The following NEK6 variants were observed in gnomAD, a reference collection of about 807,000 sequenced individuals.
NEK6 encodes the protein serine/threonine-protein kinase Nek6.
Under a neutral mutation model 43.5 loss-of-function variants are expected in NEK6, and 27 were observed. That is an observed-to-expected ratio of 0.62 (90% CI 0.46 to 0.86). The LOEUF is 0.86. Ranked by LOEUF, NEK6 falls within the 40% of genes least tolerant of loss-of-function variation. NEK6 has a pLI of 0.00. For missense variants in NEK6, 318 were observed against 414.4 expected, an observed-to-expected ratio of 0.77 and a Z score of 2.02; for synonymous variants, 167 against 164.1, an observed-to-expected ratio of 1.02 and a Z score of -0.14.
chr9:124,348,796 C>T (rs1425532188), intron 9 of NEK6, among the ~76,000 whole-genome samples: 3 of 152,252 alleles, frequency 2.0e-5, no homozygotes, highest in African/African-American at 4.8e-5. Flanking sequence ...GACCACAGGC[C>T]GTCACCTCAC....
In NEK6 at chr9:124,345,285, T is replaced by C. The variant is rs372038680; in HGVS notation, c.718-2424T>C. On this transcript the variant is annotated intron_variant, in intron 8 of 9. Coordinates refer to ENST00000320246, the MANE Select transcript of NEK6 (RefSeq NM_014397.6). Reference sequence around the variant, plus strand: ...GAGATCTCGCCGTCCAGGGTAATCGTTGTAATCCGCGCAGCCCAGAGCTTT... The same window carrying C: ...GAGATCTCGCCGTCCAGGGTAATCGCTGTAATCCGCGCAGCCCAGAGCTTT... Among the ~76,000 whole-genome samples the C allele has an allele frequency of 6.6e-5, 10 of 152,254 alleles. No individual in the cohort carries two copies. In the South Asian group the frequency reaches 1.9e-3, roughly 28 times the overall value.
At chr9:124,337,137 T>C (rs1395126242) in intron 7 of NEK6, among the ~76,000 whole-genome samples, 22 of 152,200 alleles carry the variant, frequency 1.4e-4, no homozygotes, top group Admixed American at 1.4e-3. Flanking sequence ...TGCTGAGGTG[T>C]TCATGCCTCT....
intron 1 of NEK6, chr9:124,261,519 C>T (rs1310658528): frequency 2.0e-6 from 2 of 985,308 alleles, no homozygotes; most frequent in Non-Finnish European, 2.4e-6. Context: ...TGTTCTGGCC[C>T]CCTGATGTCA....
At chr9:124,310,131 T>C (rs554992820) in intron 2 of NEK6, among the ~76,000 whole-genome samples, 1 of 152,276 alleles carries the variant, frequency 6.6e-6, no homozygotes, top group African/African-American at 2.4e-5. Context: ...GGCACCACAG[T>C]CCCCAGTCCT....
intron 1 of NEK6, among the ~76,000 whole-genome samples, chr9:124,259,725 C>A (rs1016590217): frequency 6.6e-6 from 1 of 152,184 alleles, no homozygotes; most frequent in South Asian, 2.1e-4. Context: ...TCTTGCCTAA[C>A]TTCCCAGAAG....
intron 1 of NEK6, among the ~76,000 whole-genome samples, chr9:124,273,164 A>G (rs1368331689): frequency 6.6e-6 from 1 of 152,148 alleles, no homozygotes; most frequent in Non-Finnish European, 1.5e-5. Flanking sequence ...TTCATGTGAC[A>G]GATGAGGAAG....
intron 1 of NEK6, chr9:124,258,361 G>A: frequency 1.0e-6 from 1 of 984,574 alleles, no homozygotes; most frequent in Non-Finnish European, 1.2e-6. Flanking sequence ...GCGTTGTTGG[G>A]GTGAGTGCGT....
intron 9 of NEK6, among the ~76,000 whole-genome samples, chr9:124,349,903 C>CTCT (rs1369129185): frequency 5.9e-5 from 9 of 152,248 alleles, no homozygotes; most frequent in Admixed American, 2.0e-4. Context: ...TACCCTAAGG[C>CTCT]TCTGTGGCCC....
chr9:124,330,573 T>G (rs1828927458), intron 7 of NEK6, among the ~76,000 whole-genome samples: 2 of 152,118 alleles, frequency 1.3e-5, no homozygotes, highest in African/African-American at 4.8e-5. Flanking sequence ...AGAGCAAGTC[T>G]AGTTGGGGGT....
chr9:124,347,670 A>C (rs979483942), intron 8 of NEK6, 39 bp from the exon 9 acceptor site: 1 of 1,364,670 alleles, frequency 7.3e-7, no homozygotes, highest in South Asian at 1.3e-5. Flanking sequence ...CTGAGCCTTG[A>C]GGCCGAAAGC....
At chr9:124,269,206 G>A (rs1475940542) in intron 1 of NEK6, among the ~76,000 whole-genome samples, 1 of 152,158 alleles carries the variant, frequency 6.6e-6, no homozygotes, top group Admixed American at 6.5e-5. Context: ...GGGCAAGTCA[G>A]TGGTCCACCC....
At chr9:124,313,797 G>A in intron 3 of NEK6, 126 bp from the exon 4 acceptor site, 1 of 863,416 alleles carries the variant, frequency 1.2e-6, no homozygotes, top group African/African-American at 1.7e-5. Flanking sequence ...GAGTGCAGGG[G>A]GGGGTCACAG....
Position 124,339,959 on chromosome 9 carries a change from C to T in NEK6, c.717+294C>T, listed in dbSNP as rs539423241. Among the ~76,000 whole-genome samples the T allele has an allele frequency of 3.1e-3, 478 of 152,264 alleles. 2 individuals carry two copies. Among genetic ancestry groups the T allele is most frequent in the African/African-American group, 0.011 (456 of 41,538 alleles). On this transcript the variant is annotated intron_variant, in intron 8 of 9. Coordinates refer to ENST00000320246, the MANE Select transcript of NEK6 (RefSeq NM_014397.6). ...TCTGATCCCCAGCTGCCCCTGCCCC[C>T]GTCGCCCTGGTAACCACATTAACAC...
At chr9:124,306,613 G>A (rs972365765) in intron 2 of NEK6, among the ~76,000 whole-genome samples, 5 of 152,178 alleles carry the variant, frequency 3.3e-5, no homozygotes, top group Admixed American at 6.5e-5. Flanking sequence ...CCATCGCACC[G>A]TCAAGGGGCA....
At chr9:124,339,730 C>G in intron 8 of NEK6, 65 bp downstream of exon 8, 1 of 1,172,748 alleles carries the variant, frequency 8.5e-7, no homozygotes, top group Non-Finnish European at 1.3e-6. Context: ...CCAGTTAGGA[C>G]AGGGCTCACC....
intron 1 of NEK6, among the ~76,000 whole-genome samples, chr9:124,268,446 C>T (rs1347360878): frequency 6.6e-6 from 1 of 152,184 alleles, no homozygotes; most frequent in Non-Finnish European, 1.5e-5. Flanking sequence ...CTGTGTGCCA[C>T]AGGTGAATGC....
At chr9:124,333,235 G>A (rs1470891674) in intron 7 of NEK6, among the ~76,000 whole-genome samples, 3 of 152,254 alleles carry the variant, frequency 2.0e-5, no homozygotes, top group Non-Finnish European at 4.4e-5. Flanking sequence ...TGTAGTGTCT[G>A]AGTGGCTATT....
chr9:124,293,226 G>A (rs565441437), intron 1 of NEK6, among the ~76,000 whole-genome samples: 1 of 152,342 alleles, frequency 6.6e-6, no homozygotes, highest in South Asian at 2.1e-4. Context: ...GCATGAGCTC[G>A]ACAAGTCATT....
chr9:124,330,581 G>T (rs1828928473), intron 7 of NEK6, among the ~76,000 whole-genome samples: 1 of 152,248 alleles, frequency 6.6e-6, no homozygotes, highest in Admixed American at 6.5e-5. Flanking sequence ...TCTAGTTGGG[G>T]GTGACCCCAT....
Sources: allele counts gnomAD v4.1 joint callset (sites outside exome capture counted in the v4.1 genomes callset), GRCh38; gene constraint gnomAD v4.1.1; transcripts MANE v1.5; gene names NCBI Gene and HGNC (gene_info 2026-07-23, HGNC 2026-07-21).